HLCS: variants seen among roughly 807,000 people sequenced by gnomAD.
HLCS encodes holocarboxylase synthetase, also known as biotin--protein ligase.
Under a neutral mutation model 75.0 loss-of-function variants are expected in HLCS, and 53 were observed. The observed-to-expected ratio is 0.71, with a 90% CI of 0.57 to 0.89. HLCS has a LOEUF of 0.89. Ranked by LOEUF, HLCS falls within the 40% of genes least tolerant of loss-of-function variation. HLCS has a pLI of 0.00. For missense variants in HLCS, 966 were observed against 1,074.0 expected (o/e 0.90, Z 1.41); for synonymous variants, 431 against 428.6 (o/e 1.01, Z -0.07).
intron 6 of HLCS, among the ~76,000 whole-genome samples, chr21:36,881,824 G>A (rs959476430): frequency 1.3e-5 from 2 of 152,174 alleles, no homozygotes; most frequent in African/African-American, 4.8e-5. Context: ...TGTGGACAGG[G>A]GGGCTCTGCA....
chr21:36,815,707 A>G (rs1468846284), intron 6 of HLCS, among the ~76,000 whole-genome samples: 2 of 152,102 alleles, frequency 1.3e-5, no homozygotes, highest in African/African-American at 2.4e-5. Context: ...GTGTACCTAT[A>G]TACACACCAA....
At chr21:36,795,047 G>T (rs931948568) in intron 6 of HLCS, among the ~76,000 whole-genome samples, 1 of 152,070 alleles carries the variant, frequency 6.6e-6, no homozygotes, top group Admixed American at 6.6e-5. Flanking sequence ...AATCATTATC[G>T]TGGAGATGGT....
chr21:36,968,403 T>C (rs1043158346), upstream of HLCS, among the ~76,000 whole-genome samples: 2 of 152,196 alleles, frequency 1.3e-5, no homozygotes, highest in Non-Finnish European at 2.9e-5. Context: ...CATAGTATAT[T>C]TTCCCCCTTG....
intron 6 of HLCS, among the ~76,000 whole-genome samples, chr21:36,844,622 C>T (rs1218087205): frequency 6.6e-6 from 1 of 151,890 alleles, no homozygotes; most frequent in African/African-American, 2.4e-5. Context: ...TATGTGTGAA[C>T]ATCTTTGTCA....
intron 2 of HLCS, among the ~76,000 whole-genome samples, chr21:36,950,791 T>A (rs1601851998): frequency 6.6e-6 from 1 of 152,282 alleles, no homozygotes; most frequent in African/African-American, 2.4e-5. Flanking sequence ...TTTGACCCCA[T>A]TTATATACTG....
intron 6 of HLCS, among the ~76,000 whole-genome samples, chr21:36,845,365 A>G (rs2062762278): frequency 6.6e-6 from 1 of 152,192 alleles, no homozygotes; most frequent in East Asian, 1.9e-4. Context: ...GCCGCGGCAC[A>G]CAACAGTGCT....
intron 5 of HLCS, 75 bp from the exon 6 acceptor site, chr21:36,897,206 G>T: frequency 1.3e-6 from 2 of 1,493,912 alleles, no homozygotes; most frequent in Non-Finnish European, 9.3e-7. Flanking sequence ...TCCTTATAAT[G>T]CCATTTTGGT....
chr21:36,871,124 C>G (rs1405026652), intron 6 of HLCS, among the ~76,000 whole-genome samples: 1 of 152,138 alleles, frequency 6.6e-6, no homozygotes, highest in African/African-American at 2.4e-5. Flanking sequence ...CTTGGAAAGG[C>G]CATGACAGCA....
chr21:36,813,612 T>A (rs890078176), intron 6 of HLCS, among the ~76,000 whole-genome samples: 3 of 152,138 alleles, frequency 2.0e-5, no homozygotes, highest in African/African-American at 7.2e-5. Context: ...GTTGGAAAAA[T>A]GTGTAATGAA....
At chr21:36,779,464 C>T (rs922102830) in intron 6 of HLCS, among the ~76,000 whole-genome samples, 4 of 152,158 alleles carry the variant, frequency 2.6e-5, no homozygotes, top group African/African-American at 9.7e-5. Flanking sequence ...TTCATTCTAG[C>T]CCCTCCTTTT....
intron 6 of HLCS, among the ~76,000 whole-genome samples, chr21:36,865,810 A>G (rs1463307681): frequency 6.6e-6 from 1 of 152,222 alleles, no homozygotes; most frequent in Non-Finnish European, 1.5e-5. Context: ...ATACACAGTA[A>G]GCAGGTGGCC....
intron 6 of HLCS, among the ~76,000 whole-genome samples, chr21:36,896,267 T>C (rs920323969): frequency 1.3e-5 from 2 of 152,190 alleles, no homozygotes; most frequent in African/African-American, 4.8e-5. Context: ...GGAGCAACCC[T>C]TGAGCTCAGA....
intron 6 of HLCS, among the ~76,000 whole-genome samples, chr21:36,893,247 T>G (rs1181624078): frequency 1.3e-5 from 2 of 152,120 alleles, no homozygotes; most frequent in Non-Finnish European, 2.9e-5. Context: ...AATTTTTGTA[T>G]TTTTAGTAGA....
chr21:36,811,481 C>T (rs554160213), intron 6 of HLCS, among the ~76,000 whole-genome samples: 13 of 152,322 alleles, frequency 8.5e-5, no homozygotes, highest in African/African-American at 1.4e-4. Flanking sequence ...AACCAAAGAA[C>T]GAGGGGAGTT....
intron 6 of HLCS, among the ~76,000 whole-genome samples, chr21:36,838,521 C>T (rs777904437): frequency 2.0e-4 from 31 of 151,978 alleles, no homozygotes; most frequent in African/African-American, 6.7e-4. Flanking sequence ...CTGGCCAACA[C>T]GGTGAAACTC....
intron 2 of HLCS, chr21:36,947,967 G>T (rs2067482699): frequency 1.0e-6 from 1 of 985,290 alleles, no homozygotes; most frequent in African/African-American, 1.7e-5. Context: ...AAATTGGATG[G>T]AGCAAGGCTG....
chr21:36,913,404 C>G (rs1363247066), intron 5 of HLCS, among the ~76,000 whole-genome samples: 1 of 151,488 alleles, frequency 6.6e-6, no homozygotes, highest in African/African-American at 2.4e-5. Context: ...TGGCTCAGAG[C>G]TGGGGGTGGG....
At chr21:36,876,544 T>C (rs1052956837) in intron 6 of HLCS, among the ~76,000 whole-genome samples, 1 of 152,224 alleles carries the variant, frequency 6.6e-6, no homozygotes, top group Non-Finnish European at 1.5e-5. Context: ...GTTTACTTTC[T>C]AAATACTTGT....
intron 6 of HLCS, among the ~76,000 whole-genome samples, chr21:36,792,560 G>A (rs1426932867): frequency 6.6e-6 from 1 of 152,138 alleles, no homozygotes; most frequent in Non-Finnish European, 1.5e-5. Context: ...CGTCAGTCCA[G>A]AGTGAGCTGC....
Sources: gnomAD v4.1 joint callset for allele counts (sites outside exome capture counted in the v4.1 genomes callset) on GRCh38, gnomAD v4.1.1 for gene constraint, MANE v1.5 for transcripts, NCBI Gene and HGNC (gene_info 2026-07-23, HGNC 2026-07-21) for gene names.